FBXO31: variants seen among roughly 807,000 people sequenced by gnomAD.
FBXO31 encodes F-box protein 31, also known as F-box only protein 31.
In FBXO31, 24 loss-of-function variants were observed where a neutral mutation model predicts 54.4. The ratio of observed to expected loss-of-function variants is 0.44; its 90% CI spans 0.32 to 0.62. FBXO31 has a LOEUF of 0.62. Ranked by LOEUF, FBXO31 falls within the 20% of genes least tolerant of loss-of-function variation. FBXO31 has a pLI of 0.05. For missense variants in FBXO31, 665 were observed against 787.1 expected, an observed-to-expected ratio of 0.84 and a Z score of 1.86; for synonymous variants, 388 against 335.6, an observed-to-expected ratio of 1.16 and a Z score of -1.71.
chr16:87,385,285 C>G (rs905683806), upstream of FBXO31, among the ~76,000 whole-genome samples: 1 of 152,090 alleles, frequency 6.6e-6, no homozygotes, highest in Non-Finnish European at 1.5e-5. Flanking sequence ...GGTGAAACCC[C>G]GTCTCTACTA....
chr16:87,389,848 T>C (rs1325841446), exon 1 of FBXO31: 1 of 152,202 alleles, frequency 6.6e-6, no homozygotes, highest in Non-Finnish European at 1.5e-5. Context: ...AATTTCGGAA[T>C]CTGGAAACCA....
intron 2 of FBXO31, among the ~76,000 whole-genome samples, chr16:87,350,482 C>T (rs903885170): frequency 6.6e-6 from 1 of 152,170 alleles, no homozygotes; most frequent in African/African-American, 2.4e-5. Flanking sequence ...TACGGTCACA[C>T]CTAGACGGGT....
In FBXO31 at chr16:87,358,950, C is replaced by T. The variant is rs568343873; in HGVS notation, c.412+1345G>A. On this transcript the variant is annotated intron_variant, in intron 2 of 8. Coordinates refer to ENST00000311635, the MANE Select transcript of FBXO31 (RefSeq NM_024735.5). The surrounding 1 kb of genome is among the most constrained non-coding windows in gnomAD (Gnocchi z 4.0). ...CCAGCCTGCTAACTCAGGCCAGCCT[C>T]GTCACAGGTCATCCAAGGTTGCCCA... Among the ~76,000 whole-genome samples the T allele has an allele frequency of 1.3e-5, 2 of 152,280 alleles. No homozygotes were observed. The highest frequency in any genetic ancestry group is 3.9e-4 in the East Asian group (2 of 5,176).
At chr16:87,355,647 T>A (rs1299923141) in intron 2 of FBXO31, among the ~76,000 whole-genome samples, 1 of 152,172 alleles carries the variant, frequency 6.6e-6, no homozygotes, top group Non-Finnish European at 1.5e-5. Context: ...TGAACAACAG[T>A]ATGTCAATCA....
At position 87,345,643 on chromosome 16, in the gene FBXO31, A is replaced by G. The variant is rs541615948; in HGVS notation, c.489+1531T>C. On this transcript the variant is annotated intron_variant, in intron 3 of 8. Transcript: ENST00000311635. The surrounding 1 kb of genome is among the most constrained non-coding windows in gnomAD (Gnocchi z 4.9). Reference sequence around the variant, plus strand: ...CTGAGACCAGCCACGAAGACTGAACACTCTCTCCTAATTCCAGGAGAAAGA... The same window carrying G: ...CTGAGACCAGCCACGAAGACTGAACGCTCTCTCCTAATTCCAGGAGAAAGA... Among the ~76,000 whole-genome samples the G allele has an allele frequency of 3.3e-5, 5 of 152,188 alleles. No homozygotes were observed. The South Asian group carries it at 6.2e-4, about 19-fold the overall frequency.
At chr16:87,342,726 G>T in intron 5 of FBXO31, 151 bp downstream of exon 5, 1 of 615,636 alleles carries the variant, frequency 1.6e-6, no homozygotes, top group Non-Finnish European at 2.7e-6. Context: ...CCGGATGCAC[G>T]GTCTGCACTG....
At chr16:87,360,392 T>C in intron 1 of FBXO31, 26 bp from the exon 2 acceptor site, 1 of 1,611,338 alleles carries the variant, frequency 6.2e-7, no homozygotes, top group Non-Finnish European at 8.5e-7. Flanking sequence ...TTTGCAGAAA[T>C]TTAAGATCAA....
chr16:87,364,820 G>C (rs1481140470), intron 1 of FBXO31, among the ~76,000 whole-genome samples: 1 of 151,084 alleles, frequency 6.6e-6, no homozygotes, highest in East Asian at 2.0e-4. Flanking sequence ...TCAGGAGTTA[G>C]AGACCAGCCT....
At chr16:87,365,022 T>TTTATATATATTAA (rs1567482775) in intron 1 of FBXO31, among the ~76,000 whole-genome samples, 1 of 100,250 alleles carries the variant, frequency 1.0e-5, no homozygotes, top group Non-Finnish European at 2.0e-5. Flanking sequence ...TATATATATA[T>TTTATATATATTAA]ATATATATAT....
intron 1 of FBXO31, among the ~76,000 whole-genome samples, chr16:87,374,696 C>G (rs1342671255): frequency 2.6e-5 from 4 of 152,204 alleles, no homozygotes; most frequent in African/African-American, 9.7e-5. Flanking sequence ...ATTCTAAATT[C>G]AAAACTGGGC....
At chr16:87,349,727 A>G (rs1389766868) in intron 2 of FBXO31, among the ~76,000 whole-genome samples, 1 of 145,960 alleles carries the variant, frequency 6.9e-6, no homozygotes, top group African/African-American at 2.6e-5. Flanking sequence ...AAAAAAATCA[A>G]CTGGATCAGC....
intron 1 of FBXO31, among the ~76,000 whole-genome samples, chr16:87,380,590 G>A (rs1907034614): frequency 6.6e-6 from 1 of 152,122 alleles, no homozygotes; most frequent in Non-Finnish European, 1.5e-5. Context: ...GTTTTACCAT[G>A]TTGCCGAGGC....
intron 1 of FBXO31, chr16:87,389,666 C>G (rs570083940): frequency 3.3e-5 from 5 of 152,244 alleles, no homozygotes. Context: ...GCAACACAGA[C>G]TCCACTCTTT....
rs1415020974 is a variant in FBXO31, at chr16:87,334,011, A to T, written c.1272T>A (p.Gly424=). The stretch of plus-strand genomic sequence containing the variant: ...CAGCTACGGCATCCCCAGGCTCGCC[A>T]CCATCCTCACCAGGTGTCCCATCTG... ...KGPDGTPGED[G]GEPGDAVAAA... The change falls in exon 8 of 9, where the codon GGT becomes GGA. Residue 424 remains glycine (G), a synonymous_variant. Coordinates refer to ENST00000311635, the MANE Select transcript of FBXO31 (RefSeq NM_024735.5). 2 of 1,612,600 alleles carry T rather than the reference A, an allele frequency of 1.2e-6. No homozygotes were observed. Among genetic ancestry groups the T allele is most frequent in the African/African-American group, 2.7e-5 (2 of 74,908 alleles).
At chr16:87,355,110 C>A (rs998225750) in intron 2 of FBXO31, among the ~76,000 whole-genome samples, 1 of 152,214 alleles carries the variant, frequency 6.6e-6, no homozygotes, top group Non-Finnish European at 1.5e-5. Context: ...GTAATCCCAA[C>A]ACTTTGGGAG....
chr16:87,380,066 G>A (rs1245867114), intron 1 of FBXO31, among the ~76,000 whole-genome samples: 6 of 149,770 alleles, frequency 4.0e-5, no homozygotes, highest in African/African-American at 1.2e-4. Context: ...TTGGGAGGCC[G>A]AGGCAGGCAG....
At chr16:87,377,383 C>T (rs1212862740) in intron 1 of FBXO31, among the ~76,000 whole-genome samples, 1 of 152,088 alleles carries the variant, frequency 6.6e-6, no homozygotes, top group Non-Finnish European at 1.5e-5. Context: ...GAAGTCAAGG[C>T]CACAGTGAGC....
At chr16:87,377,219 C>T (rs987534349) in intron 1 of FBXO31, among the ~76,000 whole-genome samples, 4 of 152,200 alleles carry the variant, frequency 2.6e-5, no homozygotes, top group Admixed American at 6.5e-5. Flanking sequence ...CCGAGGCGGG[C>T]GGACCACTTG....
Position 87,343,742 on chromosome 16 carries a change from C to T in FBXO31, c.513G>A (p.Gly171=), listed in dbSNP as rs1231128038. 1.2e-6 allele frequency: 2 copies of T among 1,614,120 alleles called. No individual in the cohort carries two copies. The highest frequency in any genetic ancestry group is 2.7e-5 in the African/African-American group (2 of 74,940). The part of the protein sequence containing the change: ...NVVVDGLFII[G]WMYLPPHDPH... ...GGTCATGGGGAGGCAGGTACATCCA[C>T]CCGATGATGAACAGGCCGTCCACCT... is the stretch of plus-strand genomic sequence containing the variant. The change falls in exon 4 of 9, where the codon GGG becomes GGA. Residue 171 remains glycine (G), a synonymous_variant. Coordinates refer to ENST00000311635, the MANE Select transcript of FBXO31 (RefSeq NM_024735.5).
Sources: gnomAD v4.1 joint callset for allele counts (sites outside exome capture counted in the v4.1 genomes callset) on GRCh38, gnomAD v4.1.1 for gene constraint, Gnocchi (gnomAD v3.1) non-coding constraint, MANE v1.5 for transcripts, NCBI Gene and HGNC (gene_info 2026-07-23, HGNC 2026-07-21) for gene names.